Variants in MACROH2A1 observed in about 807,000 individuals in gnomAD.
The protein encoded by MACROH2A1 is core histone macro-H2A.1.
MACROH2A1 carries 2 observed loss-of-function variants against 31.6 expected under a neutral mutation model. That is an observed-to-expected ratio of 0.06 (90% CI 0.03 to 0.20). The LOEUF (loss-of-function observed/expected upper bound fraction) is 0.20, where lower values mean the gene tolerates loss of function less well. Among genes scored for constraint, MACROH2A1 ranks in the 10% least tolerant of loss-of-function variants. The probability of loss-of-function intolerance (pLI) is 1.00; values close to 1 mark genes in which losing one functional copy is unlikely to be tolerated. For synonymous variants in MACROH2A1, 169 were observed against 189.6 expected (o/e 0.89, Z 0.89); for missense variants, 230 against 474.0 (o/e 0.49, Z 4.78).
chr5:135,352,850 G>C (rs1184066210), intron 6 of MACROH2A1, 96 bp downstream of exon 6: 15 of 755,260 alleles, frequency 2.0e-5, no homozygotes, highest in Admixed American at 5.7e-5. Flanking sequence ...AATTTGGCTT[G>C]ACCACTGTAA....
At chr5:135,359,966 AAAAC>A (rs1317097562) in intron 5 of MACROH2A1, 18 of 893,506 alleles carry the variant, frequency 2.0e-5, no homozygotes, top group East Asian at 1.2e-4. Flanking sequence ...GCCCATGGTT[AAAAC>A]AAACAAACAA....
chr5:135,343,631 G>C (rs1480316524), intron 7 of MACROH2A1, 197 bp from the exon 8 acceptor site: 3 of 819,570 alleles, frequency 3.7e-6, no homozygotes, highest in Non-Finnish European at 5.5e-6. Context: ...TTGGAAAGTT[G>C]GCATTATGAT....
intron 5 of MACROH2A1, 114 bp downstream of exon 5, chr5:135,360,383 T>C: frequency 1.4e-6 from 1 of 712,426 alleles, no homozygotes; most frequent in South Asian, 1.6e-5. Flanking sequence ...CCACTCTGTC[T>C]ACCCACGAGG....
intron 8 of MACROH2A1, among the ~76,000 whole-genome samples, chr5:135,338,783 C>T (rs1759252461): frequency 6.6e-6 from 1 of 152,236 alleles, no homozygotes; most frequent in Admixed American, 6.5e-5. Flanking sequence ...TACAGCTGTG[C>T]TGCCTATCTT....
At chr5:135,353,620 T>C (rs1761844989) in intron 5 of MACROH2A1, 1 of 152,268 alleles carries the variant, frequency 6.6e-6, no homozygotes, top group Admixed American at 6.5e-5. Context: ...TTAATTTACG[T>C]GCCCATTAGT....
intron 5 of MACROH2A1, chr5:135,353,398 G>A (rs1286151511): frequency 3.9e-6 from 1 of 253,868 alleles, no homozygotes; most frequent in Non-Finnish European, 7.7e-6. Context: ...ATTGCTGAGG[G>A]TTGGGGGCTG....
intron 2 of MACROH2A1, among the ~76,000 whole-genome samples, chr5:135,372,776 G>C (rs183455982): frequency 6.6e-6 from 1 of 152,210 alleles, no homozygotes; most frequent in African/African-American, 2.4e-5. Context: ...AGTCAGCCAC[G>C]ATGGGTGCTG....
chr5:135,360,673 T>C, intron 4 of MACROH2A1, 66 bp from the exon 5 acceptor site: 4 of 1,107,906 alleles, frequency 3.6e-6, no homozygotes, highest in Non-Finnish European at 5.5e-6. Flanking sequence ...GAGAGGCAGC[T>C]CCCAAGCCTC....
At chr5:135,359,773 TAAG>T (rs1339675940) in intron 5 of MACROH2A1, 11 of 954,788 alleles carry the variant, frequency 1.2e-5, no homozygotes, top group African/African-American at 1.8e-5. Flanking sequence ...ATTAAAAAAT[TAAG>T]AAGAGTTTAA....
At chr5:135,373,075 C>T (rs3776203) in intron 2 of MACROH2A1, among the ~76,000 whole-genome samples, 15,029 of 152,232 alleles carry the variant, frequency 0.099, 896 homozygotes, top group South Asian at 0.16. Flanking sequence ...AAGTCCTAAG[C>T]CCAACCCTTT....
At chr5:135,343,219 G>C (rs372177744) in intron 8 of MACROH2A1, 41 bp downstream of exon 8, 1 of 1,611,072 alleles carries the variant, frequency 6.2e-7, no homozygotes, top group Non-Finnish European at 8.5e-7. Flanking sequence ...TGCGCAGAGA[G>C]ACACACCCAT....
Position 135,343,393 on chromosome 5 carries a change from T to C in MACROH2A1, c.820A>G (p.Ile274Val). 1 of 1,614,222 alleles carries C rather than the reference T, an allele frequency of 6.2e-7. No individual in the cohort carries two copies. The highest frequency in any genetic ancestry group is 1.3e-5 in the African/African-American group (1 of 75,064). Reference protein sequence around the residue: ...AGHGLPAKFVIHCNSPVWGAD... With the variant: ...AGHGLPAKFVVHCNSPVWGAD... The stretch of plus-strand genomic sequence containing the variant: ...CCCCAAACTGGACTATTACAGTGGA[T>C]CACAAACTTGGCAGGCAGGCCATGG... The change falls in exon 8 of 9, where the codon ATC (isoleucine) becomes GTC (valine). Residue 274 changes from isoleucine to valine, a missense_variant. Physicochemically the swap from Ile to Val is conservative, Grantham distance 29 (BLOSUM62 3). Around this residue, in one of 2 missense-constraint regions of MACROH2A1, gnomAD observed 183 missense variants for 319.3 expected, o/e 0.57. Coordinates refer to ENST00000511689, the MANE Select transcript of MACROH2A1 (RefSeq NM_138610.3).
intron 6 of MACROH2A1, chr5:135,351,275 A>T: frequency 7.3e-6 from 1 of 137,876 alleles, no homozygotes; most frequent in Non-Finnish European, 1.6e-5. Context: ...GCATCTGTTT[A>T]AAAAAAAAAA....
At position 135,398,540 on chromosome 5, in the gene MACROH2A1, A is replaced by T. The variant is rs569082796; in HGVS notation, c.-34+522T>A. Among the ~76,000 whole-genome samples, 17 of 152,244 alleles carry T rather than the reference A, an allele frequency of 1.1e-4. No individual in the cohort carries two copies. Among genetic ancestry groups the T allele is most frequent in the Admixed American group, 8.5e-4 (13 of 15,306 alleles). On this transcript the variant is annotated intron_variant, in intron 1 of 8. Coordinates refer to ENST00000511689, the MANE Select transcript of MACROH2A1 (RefSeq NM_138610.3). This position sits in a 1 kb window ranked among gnomAD's most constrained non-coding sequence, Gnocchi z 4.6. ...CCCCCGCCTTCCCCTCCCTGCAGAT[A>T]GCGAGCCAGACGCCTACACCTCGGC...
Position 135,335,149 on chromosome 5 carries a change from A to T in MACROH2A1, c.954-8T>A, listed in dbSNP as rs756618017. ...TGCTTTGGAAAACCGTTCCTGGAGA[A>T]GAGAAGATAAGCACTCAGCAACTGG... On this transcript the variant is annotated splice_region_variant and splice_polypyrimidine_tract_variant and intron_variant, in intron 8 of 8. Coordinates refer to ENST00000511689, the MANE Select transcript of MACROH2A1 (RefSeq NM_138610.3). 6.2e-7 allele frequency: 1 copy of T among 1,613,040 alleles called. No individual in the cohort carries two copies. The highest frequency in any genetic ancestry group is 1.7e-5 in the Admixed American group (1 of 60,018).
In MACROH2A1 at chr5:135,338,136, A is replaced by T. The variant is rs182490862; in HGVS notation, c.954-2995T>A. On this transcript the variant is annotated intron_variant, in intron 8 of 8. Transcript: ENST00000511689. ...AAGAGCACTCCACACACAGCCCTGC[A>T]GCCTCCAGACAGAGGCAGCGGTGGC... 7.9e-5 allele frequency: 28 copies of T among 354,612 alleles called. No individual in the cohort carries two copies. The Admixed American group carries it at 1.4e-3, about 18-fold the overall frequency. 22.0% of individuals were successfully genotyped at this position (354,612 alleles called of 1,614,324 possible).
intron 6 of MACROH2A1, chr5:135,347,646 G>C (rs1171604773): frequency 6.6e-6 from 1 of 152,266 alleles, no homozygotes; most frequent in Admixed American, 6.5e-5. Flanking sequence ...CGGGGGCTTA[G>C]AGCCCAACTC....
At chr5:135,362,774 A>T (rs1482616252) in intron 4 of MACROH2A1, 1 of 152,238 alleles carries the variant, frequency 6.6e-6, no homozygotes. Context: ...CTACTACTTA[A>T]TGCTTTTATA....
chr5:135,376,425 T>C (rs888341555), intron 2 of MACROH2A1, among the ~76,000 whole-genome samples: 2 of 152,204 alleles, frequency 1.3e-5, no homozygotes, highest in Non-Finnish European at 2.9e-5. Flanking sequence ...ACATTATACA[T>C]AATAACACAG....
Sources: allele counts gnomAD v4.1 joint callset (sites outside exome capture counted in the v4.1 genomes callset), GRCh38; gene constraint gnomAD v4.1.1; regional missense constraint gnomAD v4.1.1; non-coding constraint Gnocchi (gnomAD v3.1); transcripts MANE v1.5; gene names NCBI Gene and HGNC (gene_info 2026-07-23, HGNC 2026-07-21).